The following CADPS variants were observed in gnomAD, a reference collection of about 807,000 sequenced individuals.
CADPS encodes calcium-dependent secretion activator 1.
CADPS carries 57 observed loss-of-function variants against 167.3 expected under a neutral mutation model. The ratio of observed to expected loss-of-function variants is 0.34; its 90% CI spans 0.28 to 0.42. The LOEUF (loss-of-function observed/expected upper bound fraction) is 0.42. Ranked by LOEUF, CADPS falls within the 20% of genes least tolerant of loss-of-function variation. CADPS has a pLI of 1.00. For missense variants in CADPS, 1,414 were observed against 1,738.1 expected (o/e 0.81, Z 3.32); for synonymous variants, 676 against 635.3 (o/e 1.06, Z -0.96).
At chr3:62,531,288 T>C (rs1026154754) in intron 13 of CADPS, among the ~76,000 whole-genome samples, 4 of 152,076 alleles carry the variant, frequency 2.6e-5, no homozygotes, top group African/African-American at 9.7e-5. Context: ...GTCATCAAAG[T>C]GTACATATTT....
At chr3:62,599,739 A>ATATAT in intron 6 of CADPS, among the ~76,000 whole-genome samples, 1 of 42,350 alleles carries the variant, frequency 2.4e-5, no homozygotes, top group African/African-American at 1.2e-4. Context: ...TATATATAAT[A>ATATAT]TATATAATCT....
At chr3:62,576,788 TAAAAAAAAAAAAAA>T (rs138055445) in intron 8 of CADPS, among the ~76,000 whole-genome samples, 15 of 29,876 alleles carry the variant, frequency 5.0e-4, no homozygotes, top group East Asian at 2.5e-3. Context: ...AGACTCTGTC[TAAAAAAAAAAAAAA>T]AAAAAAAAAA....
intron 6 of CADPS, among the ~76,000 whole-genome samples, chr3:62,612,046 A>G (rs2061576010): frequency 6.6e-6 from 1 of 152,220 alleles, no homozygotes; most frequent in South Asian, 2.1e-4. Flanking sequence ...CACACTGCAG[A>G]CACTTAACAA....
At chr3:62,697,689 T>A (rs1305223354) in intron 3 of CADPS, among the ~76,000 whole-genome samples, 1 of 152,118 alleles carries the variant, frequency 6.6e-6, no homozygotes, top group Non-Finnish European at 1.5e-5. Context: ...CACACTGGCT[T>A]CCGTAGTGGT....
intron 27 of CADPS, among the ~76,000 whole-genome samples, chr3:62,443,107 A>C (rs1242345932): frequency 2.0e-5 from 3 of 152,184 alleles, no homozygotes; most frequent in Non-Finnish European, 1.5e-5. Context: ...CCACTATCCA[A>C]ATCAAGGTGT....
rs117758788 is a variant in CADPS at position 62,794,930 on chromosome 3, C to T, written c.442-28946G>A. On this transcript the variant is annotated intron_variant, in intron 1 of 29. Coordinates refer to ENST00000383710, the MANE Select transcript of CADPS (RefSeq NM_003716.4). ...GTGGATGCCAGTAATTATCCTGTGG[C>T]GGGCTCTCATTCAGATCACTGTCTC... is the stretch of plus-strand genomic sequence containing the variant. Among the ~76,000 whole-genome samples, 59 of 152,102 alleles carry T rather than the reference C, an allele frequency of 3.9e-4. No individual in the cohort carries two copies. The East Asian group carries it at 7.9e-3, about 20-fold the overall frequency.
At chr3:62,477,696 T>C (rs956015048) in intron 23 of CADPS, among the ~76,000 whole-genome samples, 4 of 152,204 alleles carry the variant, frequency 2.6e-5, no homozygotes, top group Non-Finnish European at 5.9e-5. Context: ...CAAAATGTAA[T>C]GTTCCATGTC....
chr3:62,664,020 T>TC (rs958351077), intron 3 of CADPS, among the ~76,000 whole-genome samples: 6 of 152,092 alleles, frequency 3.9e-5, no homozygotes, highest in South Asian at 2.1e-4. Context: ...TTATTTTTTT[T>TC]CCCCCGAGAT....
At chr3:62,702,621 A>T (rs1435521661) in intron 3 of CADPS, among the ~76,000 whole-genome samples, 2 of 152,050 alleles carry the variant, frequency 1.3e-5, no homozygotes, top group African/African-American at 4.8e-5. Flanking sequence ...AGTTACTGGG[A>T]TGGTTTTAAG....
chr3:62,506,762 T>C (rs962639615), intron 17 of CADPS, among the ~76,000 whole-genome samples: 1 of 152,192 alleles, frequency 6.6e-6, no homozygotes, highest in African/African-American at 2.4e-5. Flanking sequence ...TATGACTGGC[T>C]CTGGGGTTAG....
chr3:62,854,562 C>A (rs1210136034), intron 1 of CADPS, among the ~76,000 whole-genome samples: 1 of 152,136 alleles, frequency 6.6e-6, no homozygotes, highest in East Asian at 1.9e-4. Flanking sequence ...ATCTTAAGGG[C>A]TTTATAGTTG....
At chr3:62,756,862 G>A (rs2084048138) in intron 2 of CADPS, among the ~76,000 whole-genome samples, 1 of 152,122 alleles carries the variant, frequency 6.6e-6, no homozygotes, top group African/African-American at 2.4e-5. Flanking sequence ...TGTAAGATGG[G>A]CAGGGAGGGG....
chr3:62,740,207 G>C (rs2079905795), intron 3 of CADPS, among the ~76,000 whole-genome samples: 1 of 152,190 alleles, frequency 6.6e-6, no homozygotes, highest in East Asian at 1.9e-4. Context: ...AGAGGCCCAG[G>C]CTACAGGAGT....
rs1382890162 is a variant in CADPS, at chr3:62,412,421, A to G, written c.3778-9236T>C. Among the ~76,000 whole-genome samples the G allele has an allele frequency of 2.0e-5, 3 of 152,192 alleles. No individual in the cohort carries two copies. Among genetic ancestry groups the G allele is most frequent in the Non-Finnish European group, 4.4e-5 (3 of 68,038 alleles). On this transcript the variant is annotated intron_variant, in intron 28 of 29. Transcript: ENST00000383710. This position sits in a 1 kb window ranked among gnomAD's most constrained non-coding sequence, Gnocchi z 4.1. ...TCATTAGGAAGAGATAATGCAAAAG[A>G]CATAATAATTTAAAAGATATATTTA...
intron 3 of CADPS, among the ~76,000 whole-genome samples, chr3:62,734,320 T>C (rs759667795): frequency 2.6e-5 from 4 of 152,172 alleles, no homozygotes; most frequent in African/African-American, 7.2e-5. Flanking sequence ...GTAGTAGATA[T>C]GTGGCTAGTG....
At chr3:62,828,704 TA>T (rs2074514475) in intron 1 of CADPS, among the ~76,000 whole-genome samples, 1 of 152,178 alleles carries the variant, frequency 6.6e-6, no homozygotes, top group African/African-American at 2.4e-5. Context: ...ATGCTTTTAA[TA>T]ACATGTAAAT....
chr3:62,758,818 C>T (rs1439148903), intron 2 of CADPS, among the ~76,000 whole-genome samples: 1 of 152,124 alleles, frequency 6.6e-6, no homozygotes, highest in Admixed American at 6.5e-5. Flanking sequence ...TCAGTCCTTC[C>T]CTCCATCACC....
At position 62,420,859 on chromosome 3, in the gene CADPS, C is replaced by T. The variant is rs1042236262; in HGVS notation, c.3777+17245G>A. 3.4e-4 allele frequency among the ~76,000 whole-genome samples: 40 copies of T among 118,800 alleles called. No homozygotes were observed. The highest frequency in any genetic ancestry group is 3.0e-3 in the East Asian group (10 of 3,344). 77.9% of individuals were successfully genotyped at this position (118,800 alleles called of 152,430 possible). On this transcript the variant is annotated intron_variant, in intron 28 of 29. Coordinates refer to ENST00000383710, the MANE Select transcript of CADPS (RefSeq NM_003716.4). This position sits in a 1 kb window ranked among gnomAD's most constrained non-coding sequence, Gnocchi z 4.1. ...TTTTTTCTCTTTATGGGAGGGAGAACGAACACACACACACACACACACACA... is the reference window on the plus strand; with the variant it reads ...TTTTTTCTCTTTATGGGAGGGAGAATGAACACACACACACACACACACACA...
intron 3 of CADPS, among the ~76,000 whole-genome samples, chr3:62,700,929 C>A (rs7635456): frequency 0.18 from 26,958 of 152,038 alleles, 3,081 homozygotes; most frequent in African/African-American, 0.32. Flanking sequence ...AGGCTGCCAG[C>A]ATGGTCAGGA....
Sources: gnomAD v4.1 joint callset for allele counts (sites outside exome capture counted in the v4.1 genomes callset) on GRCh38, gnomAD v4.1.1 for gene constraint, Gnocchi (gnomAD v3.1) non-coding constraint, MANE v1.5 for transcripts, NCBI Gene and HGNC (gene_info 2026-07-23, HGNC 2026-07-21) for gene names.